The following SLC6A13 variants were observed in gnomAD, a reference collection of about 807,000 sequenced individuals.
SLC6A13 encodes the protein sodium- and chloride-dependent GABA transporter 2.
In SLC6A13, 69 loss-of-function variants were observed where a neutral mutation model predicts 72.9. The observed-to-expected ratio is 0.95, with a 90% CI of 0.78 to 1.16. SLC6A13 has a LOEUF of 1.16. Ranked by LOEUF, SLC6A13 falls within the 50% of genes most tolerant of loss-of-function variation. The pLI is 0.00. For missense variants in SLC6A13, 735 were observed against 760.5 expected (o/e 0.97, Z 0.39); for synonymous variants, 303 against 303.0 (o/e 1.00, Z 0.00).
chr12:223,324 G>A (rs190294058), intron 11 of SLC6A13, 90 bp from the exon 12 acceptor site: 6 of 723,522 alleles, frequency 8.3e-6, no homozygotes, highest in Non-Finnish European at 1.4e-5. Flanking sequence ...CACGGTGGAG[G>A]CACAGAGCAG....
intron 12 of SLC6A13, among the ~76,000 whole-genome samples, chr12:222,911 T>TGAG (rs1274909065): frequency 2.6e-5 from 4 of 151,970 alleles, no homozygotes; most frequent in Non-Finnish European, 4.4e-5. Flanking sequence ...CTGGCCCACC[T>TGAG]GAGGTGGTCT....
At position 262,816 on chromosome 12, in the gene SLC6A13, G is replaced by T; in HGVS notation, c.-33C>A. ...TAGTGAAGCTGCTGCCAGAGGTCCA[G>T]TCAGGGGAGAAGAATTATCTAAGGG... On this transcript the variant is annotated 5_prime_UTR_variant, in exon 1 of 15. The change creates a new upstream start codon in the 5' untranslated region. Coordinates refer to ENST00000343164, the MANE Select transcript of SLC6A13 (RefSeq NM_016615.5). 1 of 363,976 alleles carries T rather than the reference G, an allele frequency of 2.7e-6. No homozygotes were observed. The highest frequency in any genetic ancestry group is 3.8e-6 in the Non-Finnish European group (1 of 261,924). The allele number at this position is 363,976 out of a possible 1,614,324, so 22.5% of individuals were successfully genotyped here. A position where few individuals can be genotyped will look rare whatever the true frequency, so the allele number is the denominator to read the frequency against.
chr12:235,612 C>T (rs181481930), intron 6 of SLC6A13, among the ~76,000 whole-genome samples: 4 of 151,940 alleles, frequency 2.6e-5, no homozygotes, highest in East Asian at 1.9e-4. Context: ...TTGTAAAACA[C>T]GTATGTTTGA....
At position 221,345 on chromosome 12, in the gene SLC6A13, C is replaced by G. The variant is rs866272917; in HGVS notation, c.1686+31G>C. On this transcript the variant is annotated intron_variant, in intron 14 of 14. Transcript: ENST00000343164. ...GCACCTGCGAAGCCTCCCAGCCCCT[C>G]TGGCTGCTTTCCTGCCCGCAAAGGC... 6 of 1,553,190 alleles carry G rather than the reference C, an allele frequency of 3.9e-6. No homozygotes were observed. The South Asian group carries it at 7.1e-5, about 18-fold the overall frequency.
chr12:222,070 C>T (rs1180607571), intron 13 of SLC6A13, among the ~76,000 whole-genome samples: 1 of 152,234 alleles, frequency 6.6e-6, no homozygotes, highest in Non-Finnish European at 1.5e-5. Context: ...GGCTTAACAA[C>T]CTCTTCAACC....
intron 7 of SLC6A13, among the ~76,000 whole-genome samples, chr12:233,412 C>G (rs1395860275): frequency 6.6e-6 from 1 of 152,228 alleles, no homozygotes; most frequent in African/African-American, 2.4e-5. Context: ...CAACACCACC[C>G]CTCCCTACCC....
chr12:259,989 C>A lies in SLC6A13; in HGVS notation c.64G>T (p.Glu22Ter). 3.1e-6 allele frequency: 5 copies of A among 1,614,224 alleles called. No homozygotes were observed. Among genetic ancestry groups the A allele is most frequent in the Non-Finnish European group, 4.2e-6 (5 of 1,180,024 alleles). ...AGGGTGCCATCTTCCTCCTTCTTTT[C>A]CATGACTGGATACACTGGTTTTGTC... ...GETKPVYPVM[E>*]KKEEDGTLER... is the part of the protein sequence containing the mutation. Residue 22 changes from glutamate (E) to a stop codon, truncating the protein, a stop_gained, in exon 2 of 15, where the codon GAA becomes TAA. Transcript: ENST00000343164. LOFTEE classifies it high-confidence loss of function.
intron 4 of SLC6A13, among the ~76,000 whole-genome samples, 159 bp downstream of exon 4, chr12:242,455 G>A (rs940016580): frequency 2.6e-5 from 4 of 152,324 alleles, no homozygotes; most frequent in Non-Finnish European, 4.4e-5. Context: ...TGCCTGTGAC[G>A]CTGGTGAATT....
At chr12:251,927 C>T (rs1269142637) in intron 2 of SLC6A13, among the ~76,000 whole-genome samples, 1 of 152,160 alleles carries the variant, frequency 6.6e-6, no homozygotes, top group Admixed American at 6.5e-5. Context: ...TGCACCATTG[C>T]ACTGCACCAT....
chr12:262,829 A>T lies in SLC6A13; in HGVS notation c.-46T>A, dbSNP rs1942971832. 1.4e-5 allele frequency: 4 copies of T among 277,130 alleles called. No homozygotes were observed. Among genetic ancestry groups the T allele is most frequent in the Non-Finnish European group, 2.2e-5 (4 of 182,488 alleles). The allele number at this position is 277,130 out of a possible 1,614,324, so 17.2% of individuals were successfully genotyped here. On this transcript the variant is annotated 5_prime_UTR_variant, in exon 1 of 15. Coordinates refer to ENST00000343164, the MANE Select transcript of SLC6A13 (RefSeq NM_016615.5). Reference sequence around the variant, plus strand: ...GCCAGAGGTCCAGTCAGGGGAGAAGAATTATCTAAGGGGGAAGGAGAAGGT... The same window carrying T: ...GCCAGAGGTCCAGTCAGGGGAGAAGTATTATCTAAGGGGGAAGGAGAAGGT...
At chr12:239,611 A>G (rs1416243747) in intron 4 of SLC6A13, among the ~76,000 whole-genome samples, 1 of 152,222 alleles carries the variant, frequency 6.6e-6, no homozygotes, top group East Asian at 1.9e-4. Context: ...TTCTAAGCAG[A>G]CACTTCTTAT....
At chr12:244,274 G>A (rs1197403892) in intron 2 of SLC6A13, among the ~76,000 whole-genome samples, 4 of 152,204 alleles carry the variant, frequency 2.6e-5, no homozygotes, top group Admixed American at 6.5e-5. Flanking sequence ...AAAGTTCGTG[G>A]TTGGAAACTT....
In SLC6A13 at chr12:227,636, G is replaced by A. The variant is rs769236624; in HGVS notation, c.864C>T (p.Phe288=). 3.0e-5 allele frequency: 49 copies of A among 1,613,142 alleles called. No individual in the cohort carries two copies. Among genetic ancestry groups the A allele is most frequent in the Middle Eastern group, 3.3e-4 (2 of 6,074 alleles). Residue 288 remains phenylalanine, a synonymous_variant, in exon 8 of 15, where the codon TTC becomes TTT. Transcript: ENST00000343164. ...VWMDAGTQIF[F]SFAICLGCLT... ...GGCACCCAAGACAGATGGCGAAGGA[G>A]AAGAATATCTGGGTGCCTGCATCCA...
At chr12:223,910 C>T (rs1468146742) in intron 11 of SLC6A13, 82 bp downstream of exon 11, 3 of 1,501,148 alleles carry the variant, frequency 2.0e-6, no homozygotes, top group Non-Finnish European at 2.8e-6. Context: ...TGACCGGGAG[C>T]CAGGGTATCT....
chr12:223,949 T>TG (rs1941326859), intron 11 of SLC6A13, 43 bp downstream of exon 11: 1 of 1,609,558 alleles, frequency 6.2e-7, no homozygotes, highest in African/African-American at 1.3e-5. Flanking sequence ...AGCTGTCACT[T>TG]GGCTCCTCCT....
chr12:234,786 G>A (rs1387505649), intron 7 of SLC6A13, among the ~76,000 whole-genome samples: 1 of 152,164 alleles, frequency 6.6e-6, no homozygotes, highest in Non-Finnish European at 1.5e-5. Context: ...CCAAAGTGCT[G>A]GGATTACAGG....
chr12:251,111 G>A (rs1393383253), intron 2 of SLC6A13, among the ~76,000 whole-genome samples: 3 of 150,646 alleles, frequency 2.0e-5, no homozygotes, highest in Non-Finnish European at 2.9e-5. Flanking sequence ...AGCTGAGATC[G>A]CGCCACTGCA....
intron 2 of SLC6A13, chr12:256,458 A>T (rs957983462): frequency 6.6e-6 from 1 of 152,104 alleles, no homozygotes. Flanking sequence ...GGAGGCGGGC[A>T]TCCCTCTCAC....
At chr12:237,533 C>T (rs746562519) in intron 5 of SLC6A13, among the ~76,000 whole-genome samples, 1 of 152,084 alleles carries the variant, frequency 6.6e-6, no homozygotes, top group Non-Finnish European at 1.5e-5. Flanking sequence ...GGTGCAGGCA[C>T]CTATGTTTCC....
Sources: allele counts gnomAD v4.1 joint callset (sites outside exome capture counted in the v4.1 genomes callset), GRCh38; gene constraint gnomAD v4.1.1; transcripts MANE v1.5; gene names NCBI Gene and HGNC (gene_info 2026-07-23, HGNC 2026-07-21).